Variants in SCN8A observed in about 807,000 individuals in gnomAD.
The protein encoded by SCN8A is sodium voltage-gated channel alpha subunit 8, also known as sodium channel protein type 8 subunit alpha.
In SCN8A, 30 loss-of-function variants were observed where a neutral mutation model predicts 184.1. The ratio of observed to expected loss-of-function variants is 0.16; its 90% confidence interval spans 0.12 to 0.22. SCN8A has a LOEUF of 0.22. Among genes scored for constraint, SCN8A ranks in the 10% least tolerant of loss-of-function variants. The pLI, the probability that SCN8A is intolerant of heterozygous loss-of-function variation, is 1.00. For missense variants in SCN8A, 1,057 were observed against 2,498.9 expected (o/e 0.42, Z 12.30); for synonymous variants, 852 against 907.0 (o/e 0.94, Z 1.09).
At chr12:51,635,021 T>G (rs758168358) in intron 1 of SCN8A, among the ~76,000 whole-genome samples, 10 of 152,204 alleles carry the variant, frequency 6.6e-5, no homozygotes, top group Non-Finnish European at 1.5e-4. Flanking sequence ...AAATAGTGAT[T>G]TTTCAAAGAC....
chr12:51,748,650 AATTCC>A (rs1307355236), intron 13 of SCN8A, among the ~76,000 whole-genome samples: 3 of 152,224 alleles, frequency 2.0e-5, no homozygotes, highest in Non-Finnish European at 1.5e-5. Context: ...CAGGTAAAAC[AATTCC>A]AAAAACTCCC....
In SCN8A at chr12:51,768,931, G is replaced by T; in HGVS notation, c.2968G>T (p.Asp990Tyr). 1 of 1,604,782 alleles carries T rather than the reference G, an allele frequency of 6.2e-7. No homozygotes were observed. The highest frequency in any genetic ancestry group is 8.5e-7 in the Non-Finnish European group (1 of 1,172,608). The change falls in exon 17 of 27, where the codon GAC becomes TAC. Residue 990 changes from aspartate to tyrosine, a missense_variant. This residue lies in a region of SCN8A where 178 missense variants were observed against 259.6 expected (regional missense o/e 0.69). Coordinates refer to ENST00000627620, the MANE Select transcript of SCN8A (RefSeq NM_001330260.2). ...TGCAGACAACCTGGCTGCCACAGAT[G>T]ACGATGGGGAAATGAACAACCTCCA... The part of the protein sequence containing the change: ...FSADNLAATD[D>Y]DGEMNNLQIS...
At chr12:51,780,402 C>G (rs1937860187) in intron 20 of SCN8A, 1 of 383,694 alleles carries the variant, frequency 2.6e-6, no homozygotes, top group Non-Finnish European at 4.8e-6. Flanking sequence ...TTTCTCTTCC[C>G]TGTTGTTTTT....
chr12:51,684,322 G>T, intron 3 of SCN8A, 30 bp downstream of exon 3: 1 of 1,012,398 alleles, frequency 9.9e-7, no homozygotes. Context: ...TGGAGTGAGT[G>T]CGGCAATTGC....
chr12:51,664,476 G>A lies in SCN8A; in HGVS notation c.276+1383G>A, dbSNP rs138626233. On this transcript the variant is annotated intron_variant, in intron 2 of 26. Coordinates refer to ENST00000627620, the MANE Select transcript of SCN8A (RefSeq NM_001330260.2). ...ACCCGCCTCAGCCTTCCAAAATGCT[G>A]GGATTACAGGTGTGAGCCATCGCAC... Among the ~76,000 whole-genome samples, 881 of 152,096 alleles carry A rather than the reference G, an allele frequency of 5.8e-3. 7 individuals carry two copies. Among genetic ancestry groups the A allele is most frequent in the African/African-American group, 0.02 (820 of 41,478 alleles).
chr12:51,725,159 C>G (rs746301524), intron 12 of SCN8A, among the ~76,000 whole-genome samples: 1 of 152,104 alleles, frequency 6.6e-6, no homozygotes, highest in African/African-American at 2.4e-5. Flanking sequence ...CTAGGAAAAA[C>G]TATTTTTATT....
At chr12:51,676,777 G>T (rs1941229470) in intron 2 of SCN8A, among the ~76,000 whole-genome samples, 1 of 152,132 alleles carries the variant, frequency 6.6e-6, no homozygotes, top group African/African-American at 2.4e-5. Context: ...CCCTCTTGTT[G>T]ATTAGCTAAA....
At chr12:51,674,577 C>T (rs1306152588) in intron 2 of SCN8A, among the ~76,000 whole-genome samples, 1 of 152,142 alleles carries the variant, frequency 6.6e-6, no homozygotes, top group Admixed American at 6.5e-5. Flanking sequence ...TCAGGTAATC[C>T]ACCCGCCTCG....
intron 1 of SCN8A, among the ~76,000 whole-genome samples, chr12:51,650,519 T>C (rs1940687337): frequency 1.3e-5 from 2 of 150,628 alleles, no homozygotes; most frequent in South Asian, 4.2e-4. Context: ...TTTTTTTTTT[T>C]TTTTTTTTGA....
At chr12:51,805,455 A>T (rs1938672289) in intron 26 of SCN8A, among the ~76,000 whole-genome samples, 1 of 151,766 alleles carries the variant, frequency 6.6e-6, no homozygotes, top group African/African-American at 2.4e-5. Context: ...AGACAGAAAC[A>T]GTATAATTTC....
intron 6 of SCN8A, among the ~76,000 whole-genome samples, chr12:51,698,277 G>A (rs752050942): frequency 1.6e-4 from 24 of 152,158 alleles, no homozygotes; most frequent in Non-Finnish European, 7.3e-5. Context: ...GGCGTATTGC[G>A]TAAGTCAGAC....
intron 1 of SCN8A, among the ~76,000 whole-genome samples, chr12:51,638,301 A>G (rs1381941593): frequency 6.6e-6 from 1 of 152,222 alleles, no homozygotes; most frequent in South Asian, 2.1e-4. Flanking sequence ...CTTTCAAGTC[A>G]TTAGTTTAAA....
In SCN8A at chr12:51,670,751, A is replaced by C. The variant is rs574912192; in HGVS notation, c.276+7658A>C. ...CTGAGTTACAGTGGTGGGAGTGGAA[A>C]TTAAGGGGATTGGATGAATTCAATA... On this transcript the variant is annotated intron_variant, in intron 2 of 26. Transcript: ENST00000627620. Among the ~76,000 whole-genome samples the C allele has an allele frequency of 3.3e-5, 5 of 152,310 alleles. No homozygotes were observed. The South Asian group carries it at 8.3e-4, about 25-fold the overall frequency.
intron 3 of SCN8A, 70 bp downstream of exon 3, chr12:51,684,362 G>T: frequency 1.3e-6 from 1 of 792,072 alleles, no homozygotes; most frequent in South Asian, 1.4e-5. Flanking sequence ...TCCAATATTT[G>T]ACAACTGGAT....
chr12:51,748,457 A>C (rs1251682701), intron 13 of SCN8A, among the ~76,000 whole-genome samples: 3 of 152,094 alleles, frequency 2.0e-5, no homozygotes, highest in Non-Finnish European at 4.4e-5. Context: ...GCAGAGCTAT[A>C]AGCTTTGGGG....
At chr12:51,789,071 G>C (rs1938168969) in intron 23 of SCN8A, among the ~76,000 whole-genome samples, 2 of 152,138 alleles carry the variant, frequency 1.3e-5, no homozygotes, top group Non-Finnish European at 2.9e-5. Flanking sequence ...CTCATGATTT[G>C]CATGTTCTCC....
intron 11 of SCN8A, among the ~76,000 whole-genome samples, chr12:51,711,309 A>G (rs1941871992): frequency 6.6e-6 from 1 of 152,212 alleles, no homozygotes; most frequent in Non-Finnish European, 1.5e-5. Context: ...GCATGAAAAT[A>G]TTCACTTAGT....
intron 12 of SCN8A, among the ~76,000 whole-genome samples, chr12:51,740,234 C>T (rs916902544): frequency 3.3e-5 from 5 of 152,190 alleles, no homozygotes; most frequent in Non-Finnish European, 5.9e-5. Flanking sequence ...AGTTTTGGGG[C>T]CAGTTTATGG....
intron 6 of SCN8A, among the ~76,000 whole-genome samples, chr12:51,697,910 G>A (rs1016013161): frequency 2.6e-5 from 4 of 152,116 alleles, no homozygotes; most frequent in Admixed American, 6.5e-5. Flanking sequence ...GTGCAGTGGC[G>A]CAATCTTGGC....
Sources: allele counts gnomAD v4.1 joint callset (sites outside exome capture counted in the v4.1 genomes callset), GRCh38; gene constraint gnomAD v4.1.1; regional missense constraint gnomAD v4.1.1; transcripts MANE v1.5; gene names NCBI Gene and HGNC (gene_info 2026-07-23, HGNC 2026-07-21).